LRRIQ1: variants seen among roughly 807,000 people sequenced by gnomAD.
The protein encoded by LRRIQ1 is leucine rich repeats and IQ motif containing 1, also known as leucine-rich repeat- and IQ domain-containing protein 1.
In LRRIQ1, 210 loss-of-function variants were observed where a neutral mutation model predicts 211.9. That is an observed-to-expected ratio of 0.99 (90% CI 0.89 to 1.11). The LOEUF is 1.11. Among genes scored for constraint, LRRIQ1 ranks in the 50% most tolerant of loss-of-function variants. The pLI, the probability that LRRIQ1 is intolerant of heterozygous loss-of-function variation, is 0.00. For synonymous variants in LRRIQ1, 699 were observed against 650.1 expected (o/e 1.08, Z -1.14); for missense variants, 2,136 against 1,939.5 (o/e 1.10, Z -1.90).
intron 24 of LRRIQ1, among the ~76,000 whole-genome samples, chr12:85,174,300 A>G (rs1891572604): frequency 6.6e-6 from 1 of 152,004 alleles, no homozygotes; most frequent in Non-Finnish European, 1.5e-5. Context: ...ATTGATAAAT[A>G]AGTCTCCCAG....
chr12:85,228,827 A>T (rs868761198), intron 24 of LRRIQ1, among the ~76,000 whole-genome samples: 110 of 152,152 alleles, frequency 7.2e-4, no homozygotes, highest in African/African-American at 2.5e-3. Context: ...TAATAAATTG[A>T]CTTTAAATTT....
At chr12:85,246,006 C>T (rs1028233293), downstream of LRRIQ1, among the ~76,000 whole-genome samples, 4 of 151,106 alleles carry the variant, frequency 2.6e-5, no homozygotes, top group African/African-American at 7.3e-5. Context: ...GATTATCTGA[C>T]TTTCACTTTT....
intron 8 of LRRIQ1, 48 bp from the exon 9 acceptor site, chr12:85,065,212 TCA>T: frequency 6.9e-7 from 1 of 1,453,754 alleles, no homozygotes. Context: ...TTGTTTATAT[TCA>T]GTTTTGTTAA....
At position 85,124,238 on chromosome 12, in the gene LRRIQ1, C is replaced by A. The variant is rs1196319191; in HGVS notation, c.3726C>A (p.Ser1242Arg). The A allele has an allele frequency of 7.4e-6, 12 of 1,613,964 alleles. No individual in the cohort carries two copies. The highest frequency in any genetic ancestry group is 1.0e-5 in the Non-Finnish European group (12 of 1,180,016). ...KNHLAPTNSD[S>R]TLQNGVFYSC... The stretch of plus-strand genomic sequence containing the variant: ...ATTTGGCCCCTACAAACAGTGACAG[C>A]ACTCTGCAAAATGGAGTCTTCTACT... The change falls in exon 17 of 27, where the codon AGC becomes AGA. Residue 1242 changes from serine (S) to arginine (R), a missense_variant. Coordinates refer to ENST00000393217, the MANE Select transcript of LRRIQ1 (RefSeq NM_001079910.2).
At chr12:85,058,108 G>A (rs1188682906) in intron 8 of LRRIQ1, among the ~76,000 whole-genome samples, 1 of 151,964 alleles carries the variant, frequency 6.6e-6, no homozygotes, top group East Asian at 1.9e-4. Context: ...ACATAAATAC[G>A]TTATTATGGA....
chr12:85,178,896 A>T (rs189938245), intron 24 of LRRIQ1, among the ~76,000 whole-genome samples: 3 of 148,090 alleles, frequency 2.0e-5, no homozygotes, highest in Admixed American at 6.9e-5. Flanking sequence ...AATGAGTAGC[A>T]CATAGTCTCT....
intron 15 of LRRIQ1, among the ~76,000 whole-genome samples, chr12:85,116,192 GAGTGC>G (rs1250465661): frequency 6.6e-6 from 1 of 152,200 alleles, no homozygotes; most frequent in Non-Finnish European, 1.5e-5. Flanking sequence ...GCCCAGGCTG[GAGTGC>G]AGTGGCGCGA....
chr12:85,059,012 A>G (rs991615725), intron 8 of LRRIQ1, among the ~76,000 whole-genome samples: 1 of 151,986 alleles, frequency 6.6e-6, no homozygotes, highest in Non-Finnish European at 1.5e-5. Context: ...TTAAGAAAAT[A>G]TCATCTTTTG....
chr12:85,125,363 C>T (rs1327715869), intron 17 of LRRIQ1, among the ~76,000 whole-genome samples: 2 of 151,896 alleles, frequency 1.3e-5, no homozygotes, highest in South Asian at 2.1e-4. Context: ...TCAAGTAAAC[C>T]CCCTTATAAC....
At chr12:85,106,074 G>A (rs1886762613) in intron 14 of LRRIQ1, among the ~76,000 whole-genome samples, 1 of 152,130 alleles carries the variant, frequency 6.6e-6, no homozygotes, top group Admixed American at 6.6e-5. Context: ...GGGATTACAG[G>A]TGTGAGCCAC....
At chr12:85,117,396 A>G (rs1887656249) in intron 15 of LRRIQ1, among the ~76,000 whole-genome samples, 1 of 152,220 alleles carries the variant, frequency 6.6e-6, no homozygotes. Context: ...ATTTAACTAG[A>G]AATTATTATA....
chr12:85,220,531 G>T (rs1894347587), intron 24 of LRRIQ1, among the ~76,000 whole-genome samples: 2 of 151,488 alleles, frequency 1.3e-5, no homozygotes, highest in Admixed American at 1.3e-4. Context: ...AAACTAATCT[G>T]CTTTCCTCTA....
At chr12:85,103,414 T>A (rs1256949986) in intron 13 of LRRIQ1, among the ~76,000 whole-genome samples, 7 of 151,650 alleles carry the variant, frequency 4.6e-5, no homozygotes, top group Non-Finnish European at 8.9e-5. Context: ...TATTTCCAAT[T>A]TAAAAGTAAG....
chr12:85,074,640 C>G (rs906949575), intron 11 of LRRIQ1, among the ~76,000 whole-genome samples: 7 of 151,920 alleles, frequency 4.6e-5, no homozygotes, highest in Admixed American at 3.3e-4. Flanking sequence ...CTTCTACTCT[C>G]TATTTTATGA....
intron 24 of LRRIQ1, among the ~76,000 whole-genome samples, chr12:85,168,703 T>C (rs537018312): frequency 6.6e-6 from 1 of 152,190 alleles, no homozygotes; most frequent in Non-Finnish European, 1.5e-5. Context: ...ATTCAGGGCA[T>C]ACACAGCCTT....
In LRRIQ1 at chr12:85,179,239, A is replaced by C. The variant is rs183803904; in HGVS notation, c.4822+18525A>C. Among the ~76,000 whole-genome samples, 878 of 152,044 alleles carry C rather than the reference A, an allele frequency of 5.8e-3. 6 individuals carry two copies. The highest frequency in any genetic ancestry group is 9.1e-3 in the Non-Finnish European group (615 of 67,878). ...AGAATCATTCTTAATTCTGTTCTCT[A>C]TCTTTCTCTCTCATTCCCTAAATAC... On this transcript the variant is annotated intron_variant, in intron 24 of 26. Transcript: ENST00000393217.
At chr12:85,221,504 T>C (rs572590661) in intron 24 of LRRIQ1, among the ~76,000 whole-genome samples, 1 of 152,264 alleles carries the variant, frequency 6.6e-6, no homozygotes, top group South Asian at 2.1e-4. Context: ...ATGGGGTATC[T>C]ATACAGTTCT....
At chr12:85,098,743 C>T in intron 12 of LRRIQ1, 124 bp from the exon 13 acceptor site, 1 of 729,474 alleles carries the variant, frequency 1.4e-6, no homozygotes, top group Non-Finnish European at 2.1e-6. Context: ...AGTCTTATAC[C>T]TTATGATATG....
intron 16 of LRRIQ1, among the ~76,000 whole-genome samples, chr12:85,123,519 C>T (rs1189749882): frequency 6.6e-6 from 1 of 152,018 alleles, no homozygotes. Flanking sequence ...AATTCAAAAG[C>T]TAGAAATCCA....
Sources: allele counts gnomAD v4.1 joint callset (sites outside exome capture counted in the v4.1 genomes callset), GRCh38; gene constraint gnomAD v4.1.1; transcripts MANE v1.5; gene names NCBI Gene and HGNC (gene_info 2026-07-23, HGNC 2026-07-21).